RPSA2: variants seen among roughly 807,000 people sequenced by gnomAD.
RPSA2 encodes the protein ribosomal protein SA 2.
the RPSA2 span, among the ~76,000 whole-genome samples, chr19:23,791,297 C>T: frequency 6.6e-6 from 1 of 151,980 alleles, no homozygotes; most frequent in Non-Finnish European, 1.5e-5. Flanking sequence ...ACTGCGCCAG[C>T]CCTAGTTTCT....
chr19:23,835,559 T>C, the RPSA2 span, among the ~76,000 whole-genome samples: 1 of 152,198 alleles, frequency 6.6e-6, no homozygotes, highest in Non-Finnish European at 1.5e-5. Flanking sequence ...TTCTCTGTTT[T>C]AATTTGACTG....
chr19:23,825,093 C>T, the RPSA2 span, among the ~76,000 whole-genome samples: 1 of 152,130 alleles, frequency 6.6e-6, no homozygotes, highest in East Asian at 1.9e-4. Context: ...CATTCTCTTG[C>T]CTCAGCATCC....
chr19:23,853,267 C>A, the RPSA2 span, among the ~76,000 whole-genome samples: 1 of 152,190 alleles, frequency 6.6e-6, no homozygotes, highest in African/African-American at 2.4e-5. Context: ...GGTATTAAAG[C>A]AGGGGCAGGC....
the RPSA2 span, among the ~76,000 whole-genome samples, chr19:23,858,105 A>AAT: frequency 0.51 from 76,468 of 149,476 alleles, 19,848 homozygotes; most frequent in South Asian, 0.62. Flanking sequence ...AGTATAAGCA[A>AAT]ATATATATAT....
chr19:23,825,202 TCTC>T, the RPSA2 span, among the ~76,000 whole-genome samples: 51 of 152,242 alleles, frequency 3.3e-4, no homozygotes, highest in African/African-American at 1.2e-3. Flanking sequence ...ATGGGCTTGA[TCTC>T]CTGACCTCAT....
At chr19:23,793,125 A>G in the RPSA2 span, among the ~76,000 whole-genome samples, 185 of 152,260 alleles carry the variant, frequency 1.2e-3, 1 homozygote, top group Admixed American at 0.011. Context: ...CAGTGAGTAA[A>G]AAGAAAAAGT....
chr19:23,810,597 GA>G, the RPSA2 span, among the ~76,000 whole-genome samples: 1 of 152,116 alleles, frequency 6.6e-6, no homozygotes, highest in Non-Finnish European at 1.5e-5. Flanking sequence ...GAGTACAAGA[GA>G]GAATTTTCCC....
chr19:23,800,765 C>G, the RPSA2 span, among the ~76,000 whole-genome samples: 1,991 of 152,182 alleles, frequency 0.013, 28 homozygotes, highest in Non-Finnish European at 0.023. Flanking sequence ...AGGCATGCAC[C>G]ACCAAGCCTG....
chr19:23,778,220 TG>T, the RPSA2 span, among the ~76,000 whole-genome samples: 8 of 152,296 alleles, frequency 5.3e-5, no homozygotes, highest in East Asian at 1.4e-3. Flanking sequence ...GTGGGTTTTT[TG>T]TTTTGTTTTT....
the RPSA2 span, among the ~76,000 whole-genome samples, chr19:23,804,294 C>CTTTTTT: frequency 1.4e-5 from 2 of 142,508 alleles, no homozygotes; most frequent in African/African-American, 2.6e-5. Flanking sequence ...CCTCATTTTT[C>CTTTTTT]TTTTTCTTTT....
the RPSA2 span, among the ~76,000 whole-genome samples, chr19:23,800,675 A>T: frequency 1.3e-5 from 2 of 151,916 alleles, no homozygotes; most frequent in Admixed American, 1.3e-4. Flanking sequence ...GTACAGTGGC[A>T]CAATCTCAGC....
the RPSA2 span, among the ~76,000 whole-genome samples, chr19:23,870,490 T>C: frequency 0.98 from 148,876 of 152,204 alleles, 72,905 homozygotes; most frequent in Middle Eastern, 1. Context: ...CAGGGAGCTT[T>C]CACATCCAAC....
the RPSA2 span, among the ~76,000 whole-genome samples, chr19:23,863,373 G>C: frequency 6.6e-6 from 1 of 152,062 alleles, no homozygotes; most frequent in Non-Finnish European, 1.5e-5. Flanking sequence ...AGACCAGCCT[G>C]GCCAACATGG....
the RPSA2 span, among the ~76,000 whole-genome samples, chr19:23,775,556 T>G: frequency 2.0e-5 from 3 of 152,248 alleles, no homozygotes; most frequent in Non-Finnish European, 2.9e-5. Context: ...GAGTTTAGGT[T>G]TTCACACTCA....
chr19:23,813,730 C>CTTTTTTTTT, the RPSA2 span, among the ~76,000 whole-genome samples: 196 of 136,734 alleles, frequency 1.4e-3, 2 homozygotes, highest in African/African-American at 3.6e-3. Flanking sequence ...ACACGGGTTT[C>CTTTTTTTTT]TTTTTTTTTT....
chr19:23,861,075 A>G, the RPSA2 span, among the ~76,000 whole-genome samples: 1 of 152,206 alleles, frequency 6.6e-6, no homozygotes, highest in South Asian at 2.1e-4. Flanking sequence ...TTGATCTTGG[A>G]CAAATTTTTA....
the RPSA2 span, among the ~76,000 whole-genome samples, chr19:23,780,424 A>C: frequency 6.6e-6 from 1 of 152,124 alleles, no homozygotes; most frequent in South Asian, 2.1e-4. Context: ...TGGGCGGATC[A>C]CAAGGTCAGG....
chr19:23,832,833 C>T, the RPSA2 span: 7 of 1,575,544 alleles, frequency 4.4e-6, no homozygotes, highest in Middle Eastern at 1.7e-4. Context: ...AAGCTTTCAG[C>T]CAGTCCTCAA....
chr19:23,840,208 T>G, the RPSA2 span, among the ~76,000 whole-genome samples: 1 of 152,366 alleles, frequency 6.6e-6, no homozygotes, highest in South Asian at 2.1e-4. Context: ...CTACTTCTGA[T>G]GCTTTTGCCT....
Sources: gnomAD v4.1 joint callset for allele counts (sites outside exome capture counted in the v4.1 genomes callset) on GRCh38, gnomAD v4.1.1 for gene constraint, MANE v1.5 for transcripts, NCBI Gene and HGNC (gene_info 2026-07-23, HGNC 2026-07-21) for gene names.